Variants in LPCAT1 observed in about 807,000 individuals in gnomAD.
LPCAT1 encodes the protein 1-acylglycerol-3-phosphate O-acyltransferase.
A neutral mutation model predicts 60.9 loss-of-function variants in LPCAT1; 23 were observed. The ratio of observed to expected loss-of-function variants is 0.38; its 90% confidence interval spans 0.27 to 0.53. The LOEUF is 0.53. Among genes scored for constraint, LPCAT1 ranks in the 20% least tolerant of loss-of-function variants. LPCAT1 has a pLI of 0.82. For synonymous variants in LPCAT1, 340 were observed against 301.1 expected (o/e 1.13, Z -1.34); for missense variants, 622 against 723.6 (o/e 0.86, Z 1.61).
rs1056822254 is a variant in LPCAT1 at position 1,502,981 on chromosome 5, C to A, written c.136-1378G>T. On this transcript the variant is annotated intron_variant, in intron 1 of 13. Transcript: ENST00000283415. This position sits in a 1 kb window ranked among gnomAD's most constrained non-coding sequence, Gnocchi z 5.5. ...AAATACCATTTCGACACGTACTCAA[C>A]GTAGAAGTTGCTACTGGCTAGTTTG... 2.0e-5 allele frequency among the ~76,000 whole-genome samples: 3 copies of A among 152,192 alleles called. No homozygotes were observed. Among genetic ancestry groups the A allele is most frequent in the African/African-American group, 7.2e-5 (3 of 41,436 alleles).
At chr5:1,488,056 C>A (rs915505217) in intron 5 of LPCAT1, among the ~76,000 whole-genome samples, 14 of 152,192 alleles carry the variant, frequency 9.2e-5, no homozygotes, top group African/African-American at 3.1e-4. Flanking sequence ...GAGCTGCAGG[C>A]CAAGAAGGGT....
At position 1,500,469 on chromosome 5, in the gene LPCAT1, C is replaced by T. The variant is rs946480506; in HGVS notation, c.278+992G>A. Among the ~76,000 whole-genome samples the T allele has an allele frequency of 7.9e-5, 12 of 152,246 alleles. No individual in the cohort carries two copies. The East Asian group carries it at 1.2e-3, about 15-fold the overall frequency. ...GGGTAGGTGTGCTTTATTTATATTC[C>T]GTGCTTAAAAGCCAGGAAGAGTTTA... On this transcript the variant is annotated intron_variant, in intron 2 of 13. Transcript: ENST00000283415.
intron 3 of LPCAT1, 111 bp downstream of exon 3, chr5:1,494,589 G>C: frequency 3.9e-6 from 4 of 1,028,830 alleles, no homozygotes; most frequent in South Asian, 2.9e-5. Context: ...CCCAACAGAG[G>C]GGGGACCCTC....
chr5:1,468,104 C>G (rs1008391916), intron 12 of LPCAT1, among the ~76,000 whole-genome samples: 1 of 152,172 alleles, frequency 6.6e-6, no homozygotes, highest in East Asian at 1.9e-4. Flanking sequence ...ACGCCTCCAG[C>G]CTTCCGGCCT....
intron 2 of LPCAT1, among the ~76,000 whole-genome samples, chr5:1,498,764 AAC>A (rs1054246929): frequency 1.1e-4 from 16 of 152,174 alleles, no homozygotes; most frequent in East Asian, 3.8e-4. Context: ...ACACACATGC[AAC>A]ACACACAGGT....
intron 1 of LPCAT1, among the ~76,000 whole-genome samples, chr5:1,517,950 TG>T (rs1736555869): frequency 6.6e-6 from 1 of 152,256 alleles, no homozygotes; most frequent in Non-Finnish European, 1.5e-5. Context: ...AACGCAGCTG[TG>T]GGCCGCCTGC....
chr5:1,507,506 C>G (rs1343599704), intron 1 of LPCAT1, among the ~76,000 whole-genome samples: 1 of 152,266 alleles, frequency 6.6e-6, no homozygotes, highest in Non-Finnish European at 1.5e-5. Context: ...CTAAATACCA[C>G]TTCCCAGCAG....
intron 12 of LPCAT1, among the ~76,000 whole-genome samples, chr5:1,467,550 G>A (rs760511095): frequency 4.6e-5 from 7 of 152,070 alleles, no homozygotes; most frequent in Non-Finnish European, 8.8e-5. Context: ...CCTGCCGCCC[G>A]CTCCCCACAA....
intron 1 of LPCAT1, among the ~76,000 whole-genome samples, chr5:1,507,758 A>AGCCAAT (rs1364746750): frequency 6.6e-6 from 1 of 152,230 alleles, no homozygotes; most frequent in Non-Finnish European, 1.5e-5. Flanking sequence ...ATCCAGCAAC[A>AGCCAAT]GCCAATGCCG....
At chr5:1,492,582 C>A (rs1270340198) in intron 3 of LPCAT1, among the ~76,000 whole-genome samples, 2 of 152,194 alleles carry the variant, frequency 1.3e-5, no homozygotes, top group Non-Finnish European at 2.9e-5. Flanking sequence ...CGTGGATTAT[C>A]TCTGAAATGA....
chr5:1,517,945 AGCTGTGG>A (rs367971188), intron 1 of LPCAT1, among the ~76,000 whole-genome samples: 2 of 152,392 alleles, frequency 1.3e-5, no homozygotes, highest in African/African-American at 4.8e-5. Flanking sequence ...TTCTGAACGC[AGCTGTGG>A]GCCGCCTGCC....
intron 1 of LPCAT1, among the ~76,000 whole-genome samples, chr5:1,508,146 C>G (rs1203171741): frequency 6.6e-6 from 1 of 152,146 alleles, no homozygotes; most frequent in African/African-American, 2.4e-5. Context: ...TCGGGAGGCA[C>G]CTCGTCTGTG....
intron 6 of LPCAT1, among the ~76,000 whole-genome samples, chr5:1,482,511 T>G (rs1165769556): frequency 7.7e-5 from 1 of 13,062 alleles, no homozygotes; most frequent in African/African-American, 4.4e-4. Flanking sequence ...TGGGGTGGGG[T>G]GGGCTGGGGT....
Position 1,461,743 on chromosome 5 carries a change from T to C in LPCAT1, c.*1908A>G, listed in dbSNP as rs1734102707. 1.3e-5 allele frequency: 2 copies of C among 152,666 alleles called. No homozygotes were observed. Among genetic ancestry groups the C allele is most frequent in the African/African-American group, 4.8e-5 (2 of 41,432 alleles). 9.5% of individuals were successfully genotyped at this position (152,666 alleles called of 1,614,324 possible). On this transcript the variant is annotated 3_prime_UTR_variant, in exon 14 of 14. Coordinates refer to ENST00000283415, the MANE Select transcript of LPCAT1 (RefSeq NM_024830.5). ...TATCAGAGATTTTTTTTTCTGAAAATGCACAGTGGCATTTCATTCAAAAAA... is the reference window on the plus strand; with the variant it reads ...TATCAGAGATTTTTTTTTCTGAAAACGCACAGTGGCATTTCATTCAAAAAA...
intron 13 of LPCAT1, among the ~76,000 whole-genome samples, chr5:1,465,040 C>A (rs866836170): frequency 1.2e-3 from 149 of 121,882 alleles, no homozygotes; most frequent in South Asian, 3.5e-3. Flanking sequence ...GCACACTAAA[C>A]ACACATGCGC....
rs1736674232 is a variant in LPCAT1, at chr5:1,521,428, TG to T, written c.135+2281del. The T allele has an allele frequency of 4.1e-6, 4 of 985,408 alleles. No homozygotes were observed. Among genetic ancestry groups the T allele is most frequent in the Non-Finnish European group, 4.8e-6 (4 of 829,900 alleles). The allele number at this position is 985,408 out of a possible 1,614,324, so 61.0% of individuals were successfully genotyped here. A position where few individuals can be genotyped will look rare whatever the true frequency, so the allele number is the denominator to read the frequency against. ...CCACTACTGGACCCATTTCTTTCTT[TG>T]GGGAAGAAGGCTTTCTTGGCTTGAA... On this transcript the variant is annotated intron_variant, in intron 1 of 13. Transcript: ENST00000283415. This position sits in a 1 kb window ranked among gnomAD's most constrained non-coding sequence, Gnocchi z 4.3.
intron 2 of LPCAT1, among the ~76,000 whole-genome samples, chr5:1,497,246 TGAG>T (rs764028666): frequency 5.3e-5 from 8 of 151,926 alleles, no homozygotes; most frequent in African/African-American, 1.5e-4. Flanking sequence ...GACTGGGAAA[TGAG>T]GAGGAGGAAA....
At chr5:1,503,564 G>A (rs1401471629) in intron 1 of LPCAT1, among the ~76,000 whole-genome samples, 1 of 152,174 alleles carries the variant, frequency 6.6e-6, no homozygotes, top group East Asian at 1.9e-4. Context: ...GAATTGCTAG[G>A]TCTGTTGGCC....
chr5:1,505,988 C>T (rs1308743187), intron 1 of LPCAT1, among the ~76,000 whole-genome samples: 1 of 152,272 alleles, frequency 6.6e-6, no homozygotes, highest in East Asian at 1.9e-4. Context: ...TGTGCCTGCT[C>T]GTGGTGCATC....
Sources: gnomAD v4.1 joint callset for allele counts (sites outside exome capture counted in the v4.1 genomes callset) on GRCh38, gnomAD v4.1.1 for gene constraint, Gnocchi (gnomAD v3.1) non-coding constraint, MANE v1.5 for transcripts, NCBI Gene and HGNC (gene_info 2026-07-23, HGNC 2026-07-21) for gene names.